The following JAML variants were observed in gnomAD, a reference collection of about 807,000 sequenced individuals.
JAML encodes the protein junction adhesion molecule like, also known as junctional adhesion molecule-like.
A neutral mutation model predicts 39.3 loss-of-function variants in JAML; 25 were observed. The ratio of observed to expected loss-of-function variants is 0.64; its 90% CI spans 0.46 to 0.89. The LOEUF is 0.89. Ranked by LOEUF, JAML falls within the 40% of genes least tolerant of loss-of-function variation. The probability of loss-of-function intolerance (pLI) is 0.00; values close to 1 mark genes in which losing one functional copy is unlikely to be tolerated. For synonymous variants in JAML, 162 were observed against 179.2 expected (o/e 0.90, Z 0.77); for missense variants, 440 against 486.9 (o/e 0.90, Z 0.91).
intron 7 of JAML, among the ~76,000 whole-genome samples, chr11:118,198,361 A>C (rs182645770): frequency 6.6e-6 from 1 of 152,332 alleles, no homozygotes; most frequent in Non-Finnish European, 1.5e-5. Flanking sequence ...TTCAGTCCGT[A>C]TGGGAGAGGT....
Position 118,214,913 on chromosome 11 carries a change from A to G in JAML, c.-20-27T>C, listed in dbSNP as rs769147074. On this transcript the variant is annotated intron_variant, in intron 1 of 9. Transcript: ENST00000356289. ...TTAAGATAAAAGAACAAAAATCACA[A>G]AATCATGTCAAGAGAAGCTCATTAA... The G allele has an allele frequency of 2.5e-6, 4 of 1,596,900 alleles. No homozygotes were observed. In the African/African-American group the frequency reaches 5.4e-5, roughly 21 times the overall value.
chr11:118,208,126 GA>G (rs1948959020), intron 4 of JAML, among the ~76,000 whole-genome samples: 1 of 151,924 alleles, frequency 6.6e-6, no homozygotes, highest in Non-Finnish European at 1.5e-5. Flanking sequence ...AGCTACTCGG[GA>G]AGTTGAGGCA....
At chr11:118,207,638 C>CA (rs1565479833) in intron 4 of JAML, among the ~76,000 whole-genome samples, 1 of 150,580 alleles carries the variant, frequency 6.6e-6, no homozygotes, top group African/African-American at 2.5e-5. Context: ...TAGATGACTA[C>CA]AAAAAATGGA....
chr11:118,200,099 C>G (rs192440331), intron 7 of JAML, among the ~76,000 whole-genome samples: 29 of 152,126 alleles, frequency 1.9e-4, no homozygotes, highest in African/African-American at 6.7e-4. Flanking sequence ...CACTGGCAAC[C>G]CTTAAGATCT....
chr11:118,213,267 T>C (rs998153562), intron 2 of JAML: 15 of 1,162,856 alleles, frequency 1.3e-5, no homozygotes, highest in Non-Finnish European at 1.6e-5. Context: ...ATATTTCTGT[T>C]TTCACAAGAT....
At chr11:118,218,946 C>A (rs766916032) in intron 1 of JAML, among the ~76,000 whole-genome samples, 1 of 152,196 alleles carries the variant, frequency 6.6e-6, no homozygotes, top group Non-Finnish European at 1.5e-5. Flanking sequence ...GGAGATAATT[C>A]TCCATAGTAA....
intron 1 of JAML, among the ~76,000 whole-genome samples, chr11:118,216,449 CAG>C (rs542096249): frequency 3.5e-4 from 54 of 152,198 alleles, no homozygotes; most frequent in Non-Finnish European, 7.1e-4. Context: ...CCTGGAAAAT[CAG>C]AGTCAAGCTA....
At chr11:118,212,731 C>G (rs1949087641) in intron 2 of JAML, 170 bp from the exon 3 acceptor site, 4 of 1,522,232 alleles carry the variant, frequency 2.6e-6, no homozygotes, top group Non-Finnish European at 3.5e-6. Flanking sequence ...CTCTAGTTAC[C>G]TATATGGCTC....
intron 1 of JAML, among the ~76,000 whole-genome samples, chr11:118,216,547 T>C (rs939597834): frequency 2.6e-5 from 4 of 152,142 alleles, no homozygotes; most frequent in Admixed American, 6.5e-5. Context: ...TTAAAAGGGA[T>C]TGATAATGAA....
chr11:118,222,232 T>G lies in JAML; in HGVS notation c.-21+2709A>C, dbSNP rs1949217049. On this transcript the variant is annotated intron_variant, in intron 1 of 9. Transcript: ENST00000356289. The surrounding 1 kb of genome is among the most constrained non-coding windows in gnomAD (Gnocchi z 4.2). ...GGAGTTTGAGACCAGCCTGAGCAAC[T>G]TGGTGAAACACCATCTGAACAAAAA... Among the ~76,000 whole-genome samples, 1 of 152,014 alleles carries G rather than the reference T, an allele frequency of 6.6e-6. No homozygotes were observed. The highest frequency in any genetic ancestry group is 1.5e-5 in the Non-Finnish European group (1 of 67,978).
chr11:118,212,400 G>C lies in JAML; in HGVS notation c.198+7C>G, dbSNP rs200380049. ...TCTATTACATAGTGATGTTTCCCCC[G>C]CGTTACCTTGGCGTGCTCTCCTGGT... is the stretch of plus-strand genomic sequence containing the variant. On this transcript the variant is annotated splice_region_variant and intron_variant, in intron 3 of 9. Transcript: ENST00000356289. 1 of 1,613,340 alleles carries C rather than the reference G, an allele frequency of 6.2e-7. No homozygotes were observed. The highest frequency in any genetic ancestry group is 1.3e-5 in the African/African-American group (1 of 74,844).
chr11:118,198,424 C>G (rs530401105), intron 7 of JAML, among the ~76,000 whole-genome samples: 5 of 152,254 alleles, frequency 3.3e-5, no homozygotes, highest in Non-Finnish European at 7.4e-5. Context: ...TTTGACCATC[C>G]TGTCTACATT....
intron 1 of JAML, among the ~76,000 whole-genome samples, chr11:118,217,114 C>T (rs1591481089): frequency 6.6e-6 from 1 of 152,330 alleles, no homozygotes; most frequent in South Asian, 2.1e-4. Flanking sequence ...CTGCCACCAA[C>T]TCAAGTCTGC....
chr11:118,198,229 G>A (rs1948701358), intron 7 of JAML, 138 bp from the exon 8 acceptor site: 3 of 685,152 alleles, frequency 4.4e-6, no homozygotes, highest in Admixed American at 5.3e-5. Flanking sequence ...CTACAGCCAG[G>A]GCTACCCGGC....
intron 2 of JAML, among the ~76,000 whole-genome samples, chr11:118,214,130 GAACTA>G (rs1949109012): frequency 6.6e-6 from 1 of 152,154 alleles, no homozygotes; most frequent in Admixed American, 6.6e-5. Flanking sequence ...TCTCCTTCCA[GAACTA>G]CATCCATGGG....
Position 118,203,551 on chromosome 11 carries a change from C to CG in JAML, c.648dup (p.Gly217ArgfsTer57), listed in dbSNP as rs771143033. On this transcript the variant is annotated frameshift_variant, in exon 6 of 10. Transcript: ENST00000356289. LOFTEE classifies it high-confidence loss of function. ...CTCACTCCTTGAAGCATGATGGAAC[C>CG]GTCATTGCGGAAAATGTCCCCCACC... 34 of 1,614,172 alleles carry CG rather than the reference C, an allele frequency of 2.1e-5. No individual in the cohort carries two copies. Among genetic ancestry groups the CG allele is most frequent in the Non-Finnish European group, 2.6e-5 (31 of 1,180,024 alleles).
intron 1 of JAML, among the ~76,000 whole-genome samples, chr11:118,215,496 T>A (rs1360680924): frequency 6.6e-6 from 1 of 151,404 alleles, no homozygotes; most frequent in Non-Finnish European, 1.5e-5. Context: ...ACTACAGGCA[T>A]GCTACACCAC....
At chr11:118,206,999 C>G (rs1274937983) in intron 4 of JAML, among the ~76,000 whole-genome samples, 1 of 152,072 alleles carries the variant, frequency 6.6e-6, no homozygotes, top group Non-Finnish European at 1.5e-5. Context: ...CATAAGCCAC[C>G]CTTTCATCCA....
chr11:118,205,880 A>G lies in JAML; in HGVS notation c.534+2T>C. ...AACACAGTGATGTTTCCTCCTTGTTACCTTTGCGCGCCGTCCTGAAAATAT... is the reference window on the plus strand; with the variant it reads ...AACACAGTGATGTTTCCTCCTTGTTGCCTTTGCGCGCCGTCCTGAAAATAT... On this transcript the variant is annotated splice_donor_variant, in intron 5 of 9. Transcript: ENST00000356289. LOFTEE classifies it high-confidence loss of function. The G allele has an allele frequency of 6.2e-7, 1 of 1,612,986 alleles. No homozygotes were observed. Among genetic ancestry groups the G allele is most frequent in the Non-Finnish European group, 8.5e-7 (1 of 1,179,028 alleles).
Sources: allele counts gnomAD v4.1 joint callset (sites outside exome capture counted in the v4.1 genomes callset), GRCh38; gene constraint gnomAD v4.1.1; non-coding constraint Gnocchi (gnomAD v3.1); transcripts MANE v1.5; gene names NCBI Gene and HGNC (gene_info 2026-07-23, HGNC 2026-07-21).